SHANK2: variants seen among roughly 807,000 people sequenced by gnomAD.
The protein encoded by SHANK2 is SH3 and multiple ankyrin repeat domains protein 2.
A neutral mutation model predicts 133.7 loss-of-function variants in SHANK2; 43 were observed. The observed-to-expected ratio is 0.32, with a 90% CI of 0.25 to 0.41. SHANK2 has a LOEUF of 0.41. Ranked by LOEUF, SHANK2 falls within the 10% of genes least tolerant of loss-of-function variation. SHANK2 has a pLI of 1.00. For synonymous variants in SHANK2, 1,017 were observed against 952.8 expected, an observed-to-expected ratio of 1.07 and a Z score of -1.24; for missense variants, 1,994 against 2,235.8, an observed-to-expected ratio of 0.89 and a Z score of 2.18.
At chr11:71,144,821 C>T (rs1310352545) in intron 3 of SHANK2, among the ~76,000 whole-genome samples, 96 of 152,276 alleles carry the variant, frequency 6.3e-4, no homozygotes, top group Middle Eastern at 3.4e-3. Flanking sequence ...CTCTTATATT[C>T]AAATAAAATA....
intron 17 of SHANK2, among the ~76,000 whole-genome samples, chr11:70,574,104 C>T (rs1591598480): frequency 1.3e-5 from 2 of 152,258 alleles, no homozygotes; most frequent in Admixed American, 1.3e-4. Flanking sequence ...ATGGAGAACT[C>T]GGCCAGTTCC....
At chr11:71,207,941 C>T (rs1180584376) in intron 2 of SHANK2, among the ~76,000 whole-genome samples, 2 of 151,860 alleles carry the variant, frequency 1.3e-5, no homozygotes, top group Non-Finnish European at 2.9e-5. Context: ...GCAGGCTTAC[C>T]TAAATTTCAA....
rs782684253 is a variant in SHANK2 at position 70,723,050 on chromosome 11, G to C, written c.1778-24287C>G. Among the ~76,000 whole-genome samples, 155 of 152,274 alleles carry C rather than the reference G, an allele frequency of 1.0e-3. 3 individuals are homozygous for C. The highest frequency in any genetic ancestry group is 3.4e-3 in the Middle Eastern group (1 of 294). On this transcript the variant is annotated intron_variant, in intron 14 of 25. Coordinates refer to ENST00000601538, the MANE Select transcript of SHANK2 (RefSeq NM_012309.5). Reference sequence around the variant, plus strand: ...GGGACTTTTTTACAAAGCACCGTCAGACCCCATGTGGGGCTAGAAATATGC... The same window carrying C: ...GGGACTTTTTTACAAAGCACCGTCACACCCCATGTGGGGCTAGAAATATGC...
At chr11:70,781,353 A>G (rs984576315) in intron 14 of SHANK2, among the ~76,000 whole-genome samples, 2 of 150,114 alleles carry the variant, frequency 1.3e-5, no homozygotes, top group Non-Finnish European at 3.0e-5. Context: ...TATTGTCAGG[A>G]CCCTCAGAGC....
At chr11:70,811,445 A>G (rs919226820) in intron 12 of SHANK2, among the ~76,000 whole-genome samples, 1 of 152,108 alleles carries the variant, frequency 6.6e-6, no homozygotes, top group East Asian at 1.9e-4. Flanking sequence ...AGTTAACTTC[A>G]TCAGAATTAA....
At chr11:70,601,021 CTA>C (rs1188033509) in intron 17 of SHANK2, among the ~76,000 whole-genome samples, 1 of 56,414 alleles carries the variant, frequency 1.8e-5, no homozygotes, top group African/African-American at 5.6e-5. Context: ...GAGAATATAT[CTA>C]TATCTATATC....
At chr11:71,083,548 C>A (rs1337539438) in intron 8 of SHANK2, among the ~76,000 whole-genome samples, 1 of 152,136 alleles carries the variant, frequency 6.6e-6, no homozygotes, top group Non-Finnish European at 1.5e-5. Context: ...CTGCATAACA[C>A]CCAGGCCAGA....
intron 14 of SHANK2, among the ~76,000 whole-genome samples, chr11:70,782,243 GAC>G: frequency 6.6e-6 from 1 of 152,312 alleles, no homozygotes; most frequent in South Asian, 2.1e-4. Flanking sequence ...TTTTAATAGA[GAC>G]AAGATTTTGC....
intron 11 of SHANK2, among the ~76,000 whole-genome samples, chr11:70,829,373 C>T (rs1285879946): frequency 1.3e-5 from 2 of 152,068 alleles, no homozygotes; most frequent in Non-Finnish European, 2.9e-5. Context: ...GGTGCATTTG[C>T]CCACAAGCAG....
At chr11:71,121,882 G>A (rs1292624382) in intron 3 of SHANK2, among the ~76,000 whole-genome samples, 2 of 152,122 alleles carry the variant, frequency 1.3e-5, no homozygotes. Context: ...GCAGCCAACA[G>A]ACACATGAAA....
intron 3 of SHANK2, among the ~76,000 whole-genome samples, chr11:71,133,232 A>AGATGAATG (rs1234088264): frequency 4.7e-5 from 5 of 107,230 alleles, no homozygotes; most frequent in Non-Finnish European, 5.2e-5. Flanking sequence ...GTGGATGCAC[A>AGATGAATG]GATGAATGGA....
chr11:71,170,615 C>T (rs1953295063), intron 2 of SHANK2, among the ~76,000 whole-genome samples: 1 of 152,212 alleles, frequency 6.6e-6, no homozygotes, highest in African/African-American at 2.4e-5. Flanking sequence ...GTCATGTGGG[C>T]TTCCGCTGGT....
chr11:71,237,269 A>G lies in SHANK2; in HGVS notation c.-112-12473T>C, dbSNP rs1954836526. 3.3e-5 allele frequency among the ~76,000 whole-genome samples: 5 copies of G among 152,312 alleles called. No homozygotes were observed. The South Asian group carries it at 1.0e-3, about 32-fold the overall frequency. ...GCTGTAGTGGGCAACTTGCAGAACC[A>G]TGAGCTAAATAAATCAGGGTTGGCA... On this transcript the variant is annotated intron_variant, in intron 1 of 25. Transcript: ENST00000601538.
chr11:71,148,273 A>G (rs1952696271), intron 2 of SHANK2, among the ~76,000 whole-genome samples: 1 of 152,182 alleles, frequency 6.6e-6, no homozygotes, highest in Admixed American at 6.5e-5. Flanking sequence ...TAGTAGAGAC[A>G]GGGTTTCTCC....
At chr11:71,197,409 C>T (rs1555116365) in intron 2 of SHANK2, among the ~76,000 whole-genome samples, 1 of 152,186 alleles carries the variant, frequency 6.6e-6, no homozygotes, top group African/African-American at 2.4e-5. Context: ...AATAAATAAG[C>T]AAATAAGTGT....
At chr11:71,116,936 GC>G (rs1951991121) in intron 4 of SHANK2, among the ~76,000 whole-genome samples, 1 of 152,178 alleles carries the variant, frequency 6.6e-6, no homozygotes, top group Non-Finnish European at 1.5e-5. Flanking sequence ...TCAATGCTGA[GC>G]CCATGCCGGC....
intron 14 of SHANK2, among the ~76,000 whole-genome samples, chr11:70,780,025 T>C (rs1947448527): frequency 6.6e-6 from 1 of 152,194 alleles, no homozygotes; most frequent in African/African-American, 2.4e-5. Flanking sequence ...ACATAAGCCC[T>C]GGAGCTGCCA....
chr11:70,578,388 C>T lies in SHANK2; in HGVS notation c.2062-75457G>A, dbSNP rs182571907. Among the ~76,000 whole-genome samples, 7 of 152,328 alleles carry T rather than the reference C, an allele frequency of 4.6e-5. No individual in the cohort carries two copies. In the East Asian group the frequency reaches 1.4e-3, roughly 29 times the overall value. ...GGTTTCAGGAATGGCACCTTCCCTG[C>T]TCACCTGAGGATGGTGATGTTGTTG... On this transcript the variant is annotated intron_variant, in intron 17 of 25. Transcript: ENST00000601538.
intron 11 of SHANK2, among the ~76,000 whole-genome samples, chr11:70,823,786 A>G (rs193263922): frequency 2.9e-5 from 3 of 102,234 alleles, no homozygotes; most frequent in Non-Finnish European, 6.0e-5. Context: ...CGTTGGCAGC[A>G]TTCATGGGGG....
Sources: allele counts gnomAD v4.1 joint callset (sites outside exome capture counted in the v4.1 genomes callset), GRCh38; gene constraint gnomAD v4.1.1; transcripts MANE v1.5; gene names NCBI Gene and HGNC (gene_info 2026-07-23, HGNC 2026-07-21).